DCAF4: variants seen among roughly 807,000 people sequenced by gnomAD.
DCAF4 encodes the protein DDB1 and CUL4 associated factor 4.
Under a neutral mutation model 60.9 loss-of-function variants are expected in DCAF4, and 37 were observed. The observed-to-expected ratio is 0.61, with a 90% CI of 0.47 to 0.80. The LOEUF (loss-of-function observed/expected upper bound fraction) is 0.80, where lower values mean the gene tolerates loss of function less well. Ranked by LOEUF, DCAF4 falls within the 30% of genes least tolerant of loss-of-function variation. The pLI is 0.00. For synonymous variants in DCAF4, 243 were observed against 254.8 expected, an observed-to-expected ratio of 0.95 and a Z score of 0.44; for missense variants, 577 against 650.0, an observed-to-expected ratio of 0.89 and a Z score of 1.22.
chr14:72,934,699 G>A (rs1175810192), intron 1 of DCAF4, among the ~76,000 whole-genome samples: 4 of 152,136 alleles, frequency 2.6e-5, no homozygotes, highest in African/African-American at 9.7e-5. Context: ...AGAGACCTGG[G>A]TCTTCATCCT....
Position 72,941,734 on chromosome 14 carries a change from A to G in DCAF4, c.352-11A>G. On this transcript the variant is annotated splice_polypyrimidine_tract_variant and intron_variant, in intron 4 of 13. Transcript: ENST00000358377. ...TTCATTGAATTGTTCTCTTTTTTGT[A>G]ATAAATATAGATTGCCAGGATGGGA... 6.2e-7 allele frequency: 1 copy of G among 1,610,970 alleles called. No homozygotes were observed. The highest frequency in any genetic ancestry group is 8.5e-7 in the Non-Finnish European group (1 of 1,178,646).
intron 9 of DCAF4, among the ~76,000 whole-genome samples, chr14:72,953,946 C>T (rs1022198297): frequency 1.3e-5 from 2 of 151,062 alleles, no homozygotes; most frequent in African/African-American, 2.4e-5. Flanking sequence ...ACTGTAAACA[C>T]GACTACTGGG....
At chr14:72,955,428 A>G in intron 11 of DCAF4, 95 bp from the exon 12 acceptor site, 1 of 1,439,038 alleles carries the variant, frequency 6.9e-7, no homozygotes, top group Non-Finnish European at 9.5e-7. Context: ...TCTGACCCAG[A>G]GGCTGGAAGA....
chr14:72,956,336 C>G, intron 12 of DCAF4, 50 bp from the exon 13 acceptor site: 1 of 1,458,832 alleles, frequency 6.9e-7, no homozygotes, highest in Non-Finnish European at 9.2e-7. Context: ...TGGGGACCAC[C>G]ATGGTACCCC....
intron 6 of DCAF4, among the ~76,000 whole-genome samples, chr14:72,944,750 C>T (rs1412250752): frequency 2.0e-5 from 3 of 151,890 alleles, no homozygotes; most frequent in Admixed American, 2.0e-4. Context: ...CATGATTGTG[C>T]CACCACACTC....
Position 72,955,622 on chromosome 14 carries a change from C to G in DCAF4, c.1105C>G (p.His369Asp). 1 of 1,614,184 alleles carries G rather than the reference C, an allele frequency of 6.2e-7. No homozygotes were observed. Among genetic ancestry groups the G allele is most frequent in the South Asian group, 1.1e-5 (1 of 91,082 alleles). ...GGGATGGAAGGCCACCCGCCTGTTTCATGATTCAGCAGTGACCTCTGTGCG... is the reference window on the plus strand; with the variant it reads ...GGGATGGAAGGCCACCCGCCTGTTTGATGATTCAGCAGTGACCTCTGTGCG... ...GKGWKATRLF[H>D]DSAVTSVRIL... The change falls in exon 12 of 14, where the codon CAT becomes GAT. Residue 369 changes from histidine to aspartate, a missense_variant. His to Asp is a moderately conservative substitution (Grantham distance 81). Transcript: ENST00000358377.
intron 5 of DCAF4, chr14:72,942,757 C>T (rs1890215837): frequency 1.9e-6 from 1 of 514,598 alleles, no homozygotes; most frequent in Non-Finnish European, 3.5e-6. Context: ...CTAACTCCCA[C>T]TCTTTGACTC....
At chr14:72,936,100 G>T (rs1889227217) in intron 1 of DCAF4, among the ~76,000 whole-genome samples, 1 of 152,090 alleles carries the variant, frequency 6.6e-6, no homozygotes, top group Non-Finnish European at 1.5e-5. Context: ...TTTCCTACCA[G>T]TCTTAACACT....
intron 6 of DCAF4, among the ~76,000 whole-genome samples, chr14:72,944,118 T>C (rs1890412201): frequency 6.6e-6 from 1 of 152,130 alleles, no homozygotes; most frequent in Non-Finnish European, 1.5e-5. Context: ...GGTCTGGTGA[T>C]GCACAGGCCA....
chr14:72,947,460 C>A (rs1472841815), intron 8 of DCAF4, among the ~76,000 whole-genome samples: 1 of 152,244 alleles, frequency 6.6e-6, no homozygotes, highest in Non-Finnish European at 1.5e-5. Context: ...TGGGCCTTCA[C>A]ATGCATGTGG....
chr14:72,952,024 GT>G (rs3214336), intron 9 of DCAF4, 147 bp downstream of exon 9: 557,095 of 715,258 alleles, frequency 0.78, 220,012 homozygotes, highest in Admixed American at 0.85. Context: ...AGAAGCATGT[GT>G]TTTTTTTACA....
chr14:72,945,068 G>A (rs148396800), intron 6 of DCAF4, among the ~76,000 whole-genome samples: 233 of 151,566 alleles, frequency 1.5e-3, no homozygotes, highest in Non-Finnish European at 2.4e-3. Flanking sequence ...CAGCCTGGGC[G>A]ACAGAGTAAG....
intron 6 of DCAF4, among the ~76,000 whole-genome samples, chr14:72,943,982 T>C (rs1890393104): frequency 6.6e-6 from 1 of 152,172 alleles, no homozygotes; most frequent in African/African-American, 2.4e-5. Flanking sequence ...GTGGCTTTTC[T>C]CTCCATGTGT....
At position 72,928,183 on chromosome 14, in the gene DCAF4, CCCA is replaced by C. The variant is rs1363307985; in HGVS notation, c.-9+1642_-9+1644del. ...ACAGCCCGCTAGTCTACAGAATCCCCCCACTTTTTTTTTTTTTTTTTTTTTTTG... is the reference window on the plus strand; with the variant it reads ...ACAGCCCGCTAGTCTACAGAATCCCCCTTTTTTTTTTTTTTTTTTTTTTTG... On this transcript the variant is annotated intron_variant, in intron 1 of 13. Transcript: ENST00000358377. 6.6e-5 allele frequency among the ~76,000 whole-genome samples: 3 copies of C among 45,288 alleles called. No individual in the cohort carries two copies. The South Asian group carries it at 1.9e-3, about 28-fold the overall frequency. 29.7% of individuals were successfully genotyped at this position (45,288 alleles called of 152,430 possible).
At chr14:72,954,768 T>C (rs1892052869) in intron 11 of DCAF4, among the ~76,000 whole-genome samples, 1 of 152,162 alleles carries the variant, frequency 6.6e-6, no homozygotes, top group Admixed American at 6.5e-5. Flanking sequence ...TTTTAAAATG[T>C]ATAAGCCAAA....
chr14:72,949,250 A>G (rs1236044325), intron 8 of DCAF4, among the ~76,000 whole-genome samples: 1 of 152,308 alleles, frequency 6.6e-6, no homozygotes, highest in African/African-American at 2.4e-5. Context: ...GGAGTTTGAG[A>G]CCAGCCTGGG....
In DCAF4 at chr14:72,955,718, C is replaced by CA. The variant is rs1362575488; in HGVS notation, c.1179+23dup. The CA allele has an allele frequency of 1.9e-6, 3 of 1,603,362 alleles. No homozygotes were observed. The African/African-American group carries it at 4.0e-5, about 21-fold the overall frequency. On this transcript the variant is annotated intron_variant, in intron 12 of 13. Coordinates refer to ENST00000358377, the MANE Select transcript of DCAF4 (RefSeq NM_015604.4). ...AAAGGTAGGGGATCATGGACTTTCT[C>CA]AGGCCACAGGGTCTCGTGGCCCAGT... is the stretch of plus-strand genomic sequence containing the variant.
chr14:72,945,745 C>T (rs761757510), intron 6 of DCAF4, 139 bp from the exon 7 acceptor site: 15 of 1,145,062 alleles, frequency 1.3e-5, no homozygotes, highest in Non-Finnish European at 1.9e-5. Flanking sequence ...AGGTCATCTC[C>T]ACTCTCGCTC....
At chr14:72,945,860 C>G in intron 6 of DCAF4, 24 bp from the exon 7 acceptor site, 1 of 1,613,930 alleles carries the variant, frequency 6.2e-7, no homozygotes, top group South Asian at 1.1e-5. Flanking sequence ...GGGACGTCAC[C>G]CACTGCCCCC....
Sources: gnomAD v4.1 joint callset for allele counts (sites outside exome capture counted in the v4.1 genomes callset) on GRCh38, gnomAD v4.1.1 for gene constraint, MANE v1.5 for transcripts, NCBI Gene and HGNC (gene_info 2026-07-23, HGNC 2026-07-21) for gene names.